Variants in TSHZ2 observed in about 807,000 individuals in gnomAD.
TSHZ2 encodes teashirt homolog 2.
A neutral mutation model predicts 74.4 loss-of-function variants in TSHZ2; 21 were observed. The ratio of observed to expected loss-of-function variants is 0.28; its 90% CI spans 0.20 to 0.41. The LOEUF (loss-of-function observed/expected upper bound fraction) is 0.41, where lower values mean the gene tolerates loss of function less well. Ranked by LOEUF, TSHZ2 falls within the 10% of genes least tolerant of loss-of-function variation. The probability of loss-of-function intolerance (pLI) is 1.00; values close to 1 mark genes in which losing one functional copy is unlikely to be tolerated. For missense variants in TSHZ2, 1,244 were observed against 1,293.5 expected, an observed-to-expected ratio of 0.96 and a Z score of 0.59; for synonymous variants, 540 against 515.3, an observed-to-expected ratio of 1.05 and a Z score of -0.65.
chr20:52,980,109 TG>T (rs2122874581), intron 1 of TSHZ2, among the ~76,000 whole-genome samples: 1 of 152,306 alleles, frequency 6.6e-6, no homozygotes, highest in African/African-American at 2.4e-5. Context: ...TTTAAAAAAT[TG>T]TTTCAGAAAA....
chr20:53,104,562 G>A (rs1334014287), intron 1 of TSHZ2, among the ~76,000 whole-genome samples: 1 of 152,198 alleles, frequency 6.6e-6, no homozygotes, highest in African/African-American at 2.4e-5. Flanking sequence ...TGTTAATGAT[G>A]TGACAGATCC....
chr20:52,973,134 G>A lies in TSHZ2; in HGVS notation c.-160G>A, dbSNP rs1981188084. The A allele has an allele frequency of 3.5e-6, 3 of 857,254 alleles. No individual in the cohort carries two copies. In the South Asian group the frequency reaches 5.8e-5, roughly 17 times the overall value. 53.1% of individuals were successfully genotyped at this position (857,254 alleles called of 1,614,324 possible). ...AGGGGGGTCTCTGGCCCGTGGTGGA[G>A]GAGTTGCAGGGGGGATCGTCAGGGG... On this transcript the variant is annotated 5_prime_UTR_variant, in exon 1 of 3. Transcript: ENST00000371497.
intron 2 of TSHZ2, among the ~76,000 whole-genome samples, chr20:53,403,026 C>A (rs1394504539): frequency 6.6e-6 from 1 of 152,154 alleles, no homozygotes; most frequent in African/African-American, 2.4e-5. Flanking sequence ...GGACGCAGTA[C>A]CCAACAGGTA....
intron 2 of TSHZ2, among the ~76,000 whole-genome samples, chr20:53,456,040 T>C (rs924449316): frequency 3.4e-4 from 51 of 152,148 alleles, no homozygotes; most frequent in Non-Finnish European, 6.9e-4. Flanking sequence ...TGTGTCTTTA[T>C]AGCAGCATGA....
intron 1 of TSHZ2, among the ~76,000 whole-genome samples, chr20:53,081,705 G>A (rs1985540708): frequency 1.3e-5 from 2 of 152,104 alleles, no homozygotes; most frequent in Admixed American, 1.3e-4. Flanking sequence ...ATAAAACGGT[G>A]CTACTGTTTG....
chr20:53,175,344 G>A (rs1464934453), intron 1 of TSHZ2, among the ~76,000 whole-genome samples: 2 of 151,812 alleles, frequency 1.3e-5, no homozygotes, highest in African/African-American at 2.4e-5. Flanking sequence ...GTTTCACCAT[G>A]TTGGCCAGGC....
intron 1 of TSHZ2, among the ~76,000 whole-genome samples, chr20:52,996,908 A>G (rs1191128933): frequency 6.6e-6 from 1 of 152,152 alleles, no homozygotes; most frequent in East Asian, 1.9e-4. Context: ...GCTCCTCACT[A>G]CTGTGTTATA....
chr20:53,246,334 C>T (rs1990204069), intron 1 of TSHZ2, among the ~76,000 whole-genome samples: 1 of 152,272 alleles, frequency 6.6e-6, no homozygotes, highest in East Asian at 1.9e-4. Context: ...TGAGCCACTG[C>T]ACCTGGTGCA....
intron 1 of TSHZ2, among the ~76,000 whole-genome samples, chr20:53,138,182 A>T (rs1206430039): frequency 2.6e-5 from 4 of 152,238 alleles, no homozygotes; most frequent in South Asian, 4.1e-4. Flanking sequence ...GGAGATCGCG[A>T]CCATCCTGGC....
chr20:53,331,630 A>G (rs200606), intron 2 of TSHZ2, among the ~76,000 whole-genome samples: 101,272 of 152,004 alleles, frequency 0.67, 34,356 homozygotes, highest in African/African-American at 0.8. Flanking sequence ...AGTGACCACC[A>G]TGGCTCAACG....
chr20:53,000,623 G>A (rs1230173405), intron 1 of TSHZ2, among the ~76,000 whole-genome samples: 1 of 152,160 alleles, frequency 6.6e-6, no homozygotes, highest in Admixed American at 6.5e-5. Flanking sequence ...AATCATGCAA[G>A]TTATAGAAAT....
chr20:53,371,590 G>A (rs1055792940), intron 2 of TSHZ2, among the ~76,000 whole-genome samples: 4 of 152,198 alleles, frequency 2.6e-5, no homozygotes, highest in Non-Finnish European at 4.4e-5. Flanking sequence ...GTCAGCAGGA[G>A]CTGGGGAGGA....
intron 2 of TSHZ2, among the ~76,000 whole-genome samples, chr20:53,434,028 T>C (rs1983948901): frequency 6.6e-6 from 1 of 152,098 alleles, no homozygotes; most frequent in African/African-American, 2.4e-5. Flanking sequence ...GCCACCATGC[T>C]CAGCTAATTT....
chr20:53,005,801 G>A (rs1418850527), intron 1 of TSHZ2, among the ~76,000 whole-genome samples: 1 of 152,068 alleles, frequency 6.6e-6, no homozygotes, highest in Admixed American at 6.6e-5. Flanking sequence ...TGATGTGTTT[G>A]GTGACCTCAC....
chr20:53,454,892 A>G (rs1232259548), intron 2 of TSHZ2, among the ~76,000 whole-genome samples: 1 of 152,212 alleles, frequency 6.6e-6, no homozygotes, highest in African/African-American at 2.4e-5. Context: ...CCACATCTGA[A>G]CAATGAGACA....
intron 2 of TSHZ2, among the ~76,000 whole-genome samples, chr20:53,266,545 C>A (rs6097321): frequency 0.039 from 5,943 of 152,210 alleles, 191 homozygotes; most frequent in African/African-American, 0.084. Context: ...ATTACCTTGG[C>A]TTTTCTGAAA....
At chr20:53,235,352 TAG>T (rs1347068987) in intron 1 of TSHZ2, among the ~76,000 whole-genome samples, 2 of 152,120 alleles carry the variant, frequency 1.3e-5, no homozygotes, top group African/African-American at 4.8e-5. Flanking sequence ...GTATTTTTAG[TAG>T]AGACGGGGTT....
chr20:53,099,185 G>A (rs1362057011), intron 1 of TSHZ2, among the ~76,000 whole-genome samples: 3 of 152,216 alleles, frequency 2.0e-5, no homozygotes, highest in Admixed American at 2.0e-4. Context: ...ACAGGTGCAG[G>A]TCCTTTGAGC....
At chr20:53,381,182 C>T (rs1462408173) in intron 2 of TSHZ2, among the ~76,000 whole-genome samples, 2 of 152,106 alleles carry the variant, frequency 1.3e-5, no homozygotes, top group Admixed American at 6.5e-5. Context: ...GAAGTTAGTC[C>T]ACAGCACATG....
Sources: gnomAD v4.1 joint callset for allele counts (sites outside exome capture counted in the v4.1 genomes callset) on GRCh38, gnomAD v4.1.1 for gene constraint, MANE v1.5 for transcripts, NCBI Gene and HGNC (gene_info 2026-07-23, HGNC 2026-07-21) for gene names.